The following SMCO4 variants were observed in gnomAD, a reference collection of about 807,000 sequenced individuals.
The protein encoded by SMCO4 is single-pass membrane protein with coiled-coil domains 4, also known as single-pass membrane and coiled-coil domain-containing protein 4.
Under a neutral mutation model 3.6 loss-of-function variants are expected in SMCO4, and 4 were observed. That is an observed-to-expected ratio of 1.11 (90% CI 0.54 to 2.53). The LOEUF (loss-of-function observed/expected upper bound fraction) is 2.53, where lower values mean the gene tolerates loss of function less well. SMCO4 is among the 30% of genes most tolerant of loss of function. SMCO4 has a pLI of 0.02. For synonymous variants in SMCO4, 36 were observed against 35.3 expected (o/e 1.02, Z -0.07); for missense variants, 70 against 80.8 (o/e 0.87, Z 0.51).
chr11:93,536,510 C>A (rs1256332963), intron 1 of SMCO4, among the ~76,000 whole-genome samples: 1 of 152,114 alleles, frequency 6.6e-6, no homozygotes, highest in South Asian at 2.1e-4. Context: ...GAAAAGCTCT[C>A]GAAAATATAC....
In SMCO4 at chr11:93,512,100, CTT is replaced by C. The variant is rs1171545403; in HGVS notation, c.-153-12754_-153-12753del. Among the ~76,000 whole-genome samples, 3 of 152,162 alleles carry C rather than the reference CTT, an allele frequency of 2.0e-5. No individual in the cohort carries two copies. In the East Asian group the frequency reaches 5.8e-4, roughly 29 times the overall value. ...AGAAATATGCAATAGGAATTTAACT[CTT>C]GTTTACATCAATTAGCCTTCATAAA... On this transcript the variant is annotated intron_variant, in intron 1 of 2. Transcript: ENST00000298966.
At chr11:93,514,415 T>TATACACAG in intron 1 of SMCO4, among the ~76,000 whole-genome samples, 1 of 50,758 alleles carries the variant, frequency 2.0e-5, no homozygotes, top group Non-Finnish European at 4.9e-5. Context: ...TATATATATA[T>TATACACAG]ATATATAAAA....
At chr11:93,544,253 ATTG>A (rs1294587951), upstream of SMCO4, among the ~76,000 whole-genome samples, 3 of 152,208 alleles carry the variant, frequency 2.0e-5, no homozygotes, top group Non-Finnish European at 2.9e-5. Flanking sequence ...AATGGTAGTT[ATTG>A]TTGTATTACT....
intron 1 of SMCO4, among the ~76,000 whole-genome samples, chr11:93,524,864 T>C (rs138018489): frequency 2.0e-5 from 3 of 151,964 alleles, no homozygotes; most frequent in African/African-American, 4.8e-5. Context: ...CACAGAAAAA[T>C]AGTGAAACAG....
chr11:93,534,357 C>T (rs547861685), intron 1 of SMCO4, among the ~76,000 whole-genome samples: 7 of 86,990 alleles, frequency 8.0e-5, no homozygotes, highest in South Asian at 5.0e-4. Context: ...TATACACATA[C>T]ATATATATAT....
At chr11:93,516,705 G>A (rs1591319680) in intron 1 of SMCO4, among the ~76,000 whole-genome samples, 4 of 151,950 alleles carry the variant, frequency 2.6e-5, no homozygotes, top group South Asian at 2.1e-4. Flanking sequence ...CAGGAGAATC[G>A]CCTGAACCCA....
chr11:93,524,679 C>T (rs1215862846), intron 1 of SMCO4, among the ~76,000 whole-genome samples: 2 of 152,136 alleles, frequency 1.3e-5, no homozygotes, highest in African/African-American at 4.8e-5. Flanking sequence ...CTCCCCGCTA[C>T]AAAAGTGCTT....
intron 1 of SMCO4, among the ~76,000 whole-genome samples, chr11:93,525,501 T>G (rs1007226923): frequency 2.0e-5 from 3 of 152,120 alleles, no homozygotes; most frequent in African/African-American, 7.2e-5. Flanking sequence ...TTCAGAAAAT[T>G]TAAGGAAGTG....
chr11:93,493,213 A>C (rs548771132), intron 2 of SMCO4, among the ~76,000 whole-genome samples: 1 of 152,170 alleles, frequency 6.6e-6, no homozygotes, highest in Non-Finnish European at 1.5e-5. Flanking sequence ...CACTGGTCCA[A>C]CTGCAGACTG....
At chr11:93,526,498 C>T (rs1202922976) in intron 1 of SMCO4, among the ~76,000 whole-genome samples, 6 of 152,110 alleles carry the variant, frequency 3.9e-5, no homozygotes, top group East Asian at 1.9e-4. Context: ...CTAGGCAGTA[C>T]AACACCAGGT....
intron 1 of SMCO4, among the ~76,000 whole-genome samples, chr11:93,500,987 TG>T (rs1289068632): frequency 6.6e-6 from 1 of 152,232 alleles, no homozygotes; most frequent in African/African-American, 2.4e-5. Context: ...GGACACCAGC[TG>T]GCCTCCGAAG....
At chr11:93,538,825 C>T (rs1949249659) in intron 1 of SMCO4, among the ~76,000 whole-genome samples, 1 of 152,186 alleles carries the variant, frequency 6.6e-6, no homozygotes, top group Admixed American at 6.5e-5. Context: ...AGGCCCTCAT[C>T]TCTCAAGACA....
chr11:93,540,398 C>G (rs1949262239), intron 1 of SMCO4, among the ~76,000 whole-genome samples: 1 of 152,094 alleles, frequency 6.6e-6, no homozygotes. Flanking sequence ...GTATTTACAC[C>G]CAGGCCTGCC....
At chr11:93,519,395 A>G (rs1949037803) in intron 1 of SMCO4, among the ~76,000 whole-genome samples, 1 of 152,242 alleles carries the variant, frequency 6.6e-6, no homozygotes, top group Non-Finnish European at 1.5e-5. Context: ...AAATCAGGTA[A>G]TAGGCAAGTG....
At chr11:93,552,505 T>C in the SMCO4 span, among the ~76,000 whole-genome samples, 5 of 149,462 alleles carry the variant, frequency 3.3e-5, no homozygotes, top group Admixed American at 3.4e-4. Flanking sequence ...AGAGTCTCGA[T>C]CTGTTCCCCA....
intron 1 of SMCO4, among the ~76,000 whole-genome samples, chr11:93,505,388 T>A (rs1454538705): frequency 6.6e-6 from 1 of 152,232 alleles, no homozygotes; most frequent in Non-Finnish European, 1.5e-5. Context: ...CTGTTTTTTT[T>A]CACTTGCTAT....
At chr11:93,493,034 G>C (rs532635734) in intron 2 of SMCO4, among the ~76,000 whole-genome samples, 1 of 152,326 alleles carries the variant, frequency 6.6e-6, no homozygotes, top group South Asian at 2.1e-4. Context: ...AACTTGAGCT[G>C]CTGAAGTTGC....
upstream of SMCO4, among the ~76,000 whole-genome samples, chr11:93,545,816 AC>A (rs2134648623): frequency 6.6e-6 from 1 of 152,310 alleles, no homozygotes; most frequent in East Asian, 1.9e-4. Flanking sequence ...TGGGACATGA[AC>A]AAATATGACA....
chr11:93,545,605 A>AG, upstream of SMCO4, among the ~76,000 whole-genome samples: 4 of 151,606 alleles, frequency 2.6e-5, no homozygotes, highest in African/African-American at 7.3e-5. Flanking sequence ...AAAAAAAAAA[A>AG]AAAAGAGAGA....
Sources: allele counts gnomAD v4.1 joint callset (sites outside exome capture counted in the v4.1 genomes callset), GRCh38; gene constraint gnomAD v4.1.1; transcripts MANE v1.5; gene names NCBI Gene and HGNC (gene_info 2026-07-23, HGNC 2026-07-21).